Variants in GPC6 observed in about 807,000 individuals in gnomAD.
The protein encoded by GPC6 is glypican 6, also known as glypican-6.
A neutral mutation model predicts 55.2 loss-of-function variants in GPC6; 14 were observed. The observed-to-expected ratio is 0.25, with a 90% confidence interval of 0.17 to 0.40. GPC6 has a LOEUF of 0.40. GPC6 is among the 10% of genes least tolerant of loss of function. The pLI is 1.00. For synonymous variants in GPC6, 278 were observed against 259.6 expected (o/e 1.07, Z -0.68); for missense variants, 641 against 708.5 (o/e 0.90, Z 1.08).
chr13:93,361,522 A>G (rs935411220), intron 1 of GPC6, among the ~76,000 whole-genome samples: 1 of 152,202 alleles, frequency 6.6e-6, no homozygotes, highest in Non-Finnish European at 1.5e-5. Flanking sequence ...GCCATTATCT[A>G]CAGGTTGCAA....
chr13:93,681,072 C>G (rs1881829394), intron 2 of GPC6, among the ~76,000 whole-genome samples: 1 of 152,076 alleles, frequency 6.6e-6, no homozygotes, highest in Admixed American at 6.6e-5. Flanking sequence ...TTACATTTGT[C>G]ATTATTCTTT....
chr13:93,309,484 G>A (rs545922094), intron 1 of GPC6, among the ~76,000 whole-genome samples: 147 of 152,080 alleles, frequency 9.7e-4, no homozygotes, highest in African/African-American at 3.2e-3. Flanking sequence ...AACACACAAT[G>A]TATTTTTATA....
intron 4 of GPC6, among the ~76,000 whole-genome samples, chr13:94,135,467 C>G (rs909899030): frequency 5.9e-5 from 9 of 152,150 alleles, no homozygotes; most frequent in African/African-American, 1.4e-4. Flanking sequence ...TTTGCATTTT[C>G]TTTATGGCTC....
intron 4 of GPC6, among the ~76,000 whole-genome samples, chr13:94,215,993 G>C (rs371599078): frequency 1.9e-5 from 1 of 52,308 alleles, no homozygotes; most frequent in South Asian, 5.4e-4. Flanking sequence ...TTTTTTAGAC[G>C]TTAGTTCCTA....
At chr13:93,548,763 T>C (rs1874963940) in intron 2 of GPC6, among the ~76,000 whole-genome samples, 1 of 152,210 alleles carries the variant, frequency 6.6e-6, no homozygotes. Context: ...CTAGCATTCA[T>C]ACCTGAGAGG....
At chr13:93,660,097 T>C (rs1426523579) in intron 2 of GPC6, among the ~76,000 whole-genome samples, 1 of 152,088 alleles carries the variant, frequency 6.6e-6, no homozygotes, top group Non-Finnish European at 1.5e-5. Flanking sequence ...AATAATTTTC[T>C]CTCTTTAATA....
At chr13:93,891,677 A>G (rs1167951832) in intron 3 of GPC6, among the ~76,000 whole-genome samples, 1 of 152,024 alleles carries the variant, frequency 6.6e-6, no homozygotes, top group Admixed American at 6.6e-5. Context: ...TTCTATACAC[A>G]CTATATATAC....
At chr13:94,322,803 C>A (rs1462493464) in intron 6 of GPC6, among the ~76,000 whole-genome samples, 1 of 152,010 alleles carries the variant, frequency 6.6e-6, no homozygotes, top group Non-Finnish European at 1.5e-5. Context: ...TGCGGTTCTG[C>A]TGTGGGTTGC....
At chr13:93,540,860 GC>G (rs1882266063) in intron 1 of GPC6, among the ~76,000 whole-genome samples, 1 of 151,888 alleles carries the variant, frequency 6.6e-6, no homozygotes, top group Non-Finnish European at 1.5e-5. Flanking sequence ...ACCCTTCCCA[GC>G]CTCTAGTATC....
chr13:93,331,506 C>A (rs538459151), intron 1 of GPC6, among the ~76,000 whole-genome samples: 1 of 152,274 alleles, frequency 6.6e-6, no homozygotes, highest in East Asian at 1.9e-4. Context: ...TGCTTTTTAT[C>A]ACCTTTTGGA....
chr13:93,273,360 A>T (rs549131395), intron 1 of GPC6, among the ~76,000 whole-genome samples: 33 of 152,220 alleles, frequency 2.2e-4, no homozygotes, highest in Non-Finnish European at 4.3e-4. Flanking sequence ...TAAAAGTTAA[A>T]AAAAGTACTG....
At chr13:93,418,754 C>A (rs147951096) in intron 1 of GPC6, among the ~76,000 whole-genome samples, 1 of 148,938 alleles carries the variant, frequency 6.7e-6, no homozygotes, top group African/African-American at 2.5e-5. Context: ...GGCACTATAC[C>A]GTAGCATCAC....
chr13:93,724,371 T>C (rs1883555499), intron 2 of GPC6, among the ~76,000 whole-genome samples: 1 of 152,054 alleles, frequency 6.6e-6, no homozygotes, highest in East Asian at 1.9e-4. Context: ...GCAAAAGCTA[T>C]TTGTTGATCA....
chr13:93,781,143 G>A (rs887092780), intron 2 of GPC6, among the ~76,000 whole-genome samples: 10 of 151,890 alleles, frequency 6.6e-5, no homozygotes, highest in Non-Finnish European at 1.2e-4. Context: ...GGGCATTGTA[G>A]CAAGTGCCTG....
chr13:93,497,085 G>T (rs1457027676), intron 1 of GPC6, among the ~76,000 whole-genome samples: 1 of 152,176 alleles, frequency 6.6e-6, no homozygotes, highest in Non-Finnish European at 1.5e-5. Flanking sequence ...TGCTGCTGCA[G>T]CCTGACTCTC....
At position 93,338,745 on chromosome 13, in the gene GPC6, G is replaced by A. The variant is rs764336512; in HGVS notation, c.160+111129G>A. ...GATTACCTCTGAATTTTATTAACATGTTATTATTTAATGCATTTTACATTC... is the reference window on the plus strand; with the variant it reads ...GATTACCTCTGAATTTTATTAACATATTATTATTTAATGCATTTTACATTC... On this transcript the variant is annotated intron_variant, in intron 1 of 8. Transcript: ENST00000377047. Among the ~76,000 whole-genome samples the A allele has an allele frequency of 1.3e-4, 20 of 152,098 alleles. 1 individual carries two copies. Among genetic ancestry groups the A allele is most frequent in the Non-Finnish European group, 2.4e-4 (16 of 68,022 alleles).
intron 4 of GPC6, among the ~76,000 whole-genome samples, chr13:94,266,415 G>A (rs1333559665): frequency 1.3e-5 from 2 of 152,074 alleles, no homozygotes; most frequent in Admixed American, 6.5e-5. Flanking sequence ...TGATCCGCCC[G>A]CCTTGGCCTC....
At chr13:93,474,167 A>G (rs1879223252) in intron 1 of GPC6, among the ~76,000 whole-genome samples, 2 of 152,168 alleles carry the variant, frequency 1.3e-5, no homozygotes, top group African/African-American at 4.8e-5. Flanking sequence ...CACAACTTTC[A>G]ACTTGCCTTC....
At chr13:93,772,073 T>C (rs1365176918) in intron 2 of GPC6, among the ~76,000 whole-genome samples, 1 of 152,176 alleles carries the variant, frequency 6.6e-6, no homozygotes, top group Non-Finnish European at 1.5e-5. Flanking sequence ...TTTTGGCCCA[T>C]AGCCCTTAAT....
Sources: allele counts gnomAD v4.1 joint callset (sites outside exome capture counted in the v4.1 genomes callset), GRCh38; gene constraint gnomAD v4.1.1; transcripts MANE v1.5; gene names NCBI Gene and HGNC (gene_info 2026-07-23, HGNC 2026-07-21).